LRP1B: variants seen among roughly 807,000 people sequenced by gnomAD.
LRP1B encodes LDL receptor related protein 1B.
Under a neutral mutation model 556.6 loss-of-function variants are expected in LRP1B, and 217 were observed. The ratio of observed to expected loss-of-function variants is 0.39; its 90% CI spans 0.35 to 0.44. The LOEUF (loss-of-function observed/expected upper bound fraction) is 0.44. LRP1B is among the 20% of genes least tolerant of loss of function. The pLI is 1.00. For synonymous variants in LRP1B, 2,047 were observed against 1,865.8 expected (o/e 1.10, Z -2.50); for missense variants, 5,053 against 5,620.8 (o/e 0.90, Z 3.23).
At chr2:141,471,268 A>ATGTTTTTTTTTTTTTTTT (rs1553518973) in intron 3 of LRP1B, among the ~76,000 whole-genome samples, 4 of 31,900 alleles carry the variant, frequency 1.3e-4, no homozygotes, top group Non-Finnish European at 1.6e-4. Flanking sequence ...ATACCCTGGT[A>ATGTTTTTTTTTTTTTTTT]TTTTTTTTTT....
intron 3 of LRP1B, among the ~76,000 whole-genome samples, chr2:141,394,563 G>T (rs1055245175): frequency 2.6e-5 from 4 of 152,000 alleles, no homozygotes; most frequent in African/African-American, 9.7e-5. Context: ...CAGCTTCAAA[G>T]TGTCTACAAT....
At chr2:141,299,208 T>C (rs1490888662) in intron 3 of LRP1B, among the ~76,000 whole-genome samples, 1 of 152,178 alleles carries the variant, frequency 6.6e-6, no homozygotes, top group African/African-American at 2.4e-5. Context: ...GAGCAGATAG[T>C]ATCACATTCT....
intron 3 of LRP1B, among the ~76,000 whole-genome samples, chr2:141,346,837 G>GT (rs757152339): frequency 2.6e-5 from 4 of 151,982 alleles, no homozygotes; most frequent in Non-Finnish European, 5.9e-5. Flanking sequence ...TTTAATACAG[G>GT]TAACATATAT....
At chr2:140,815,802 T>G (rs1315458536) in intron 31 of LRP1B, among the ~76,000 whole-genome samples, 9 of 151,706 alleles carry the variant, frequency 5.9e-5, no homozygotes, top group African/African-American at 2.2e-4. Context: ...CCTAAATCAA[T>G]GCAATACACA....
intron 2 of LRP1B, among the ~76,000 whole-genome samples, chr2:141,666,849 C>T (rs1690458591): frequency 6.6e-6 from 1 of 152,178 alleles, no homozygotes; most frequent in Non-Finnish European, 1.5e-5. Flanking sequence ...TGAGGGTAAA[C>T]ATGGAAACCA....
intron 3 of LRP1B, among the ~76,000 whole-genome samples, chr2:141,432,482 T>G (rs558751108): frequency 1.9e-4 from 29 of 152,212 alleles, no homozygotes; most frequent in Admixed American, 3.3e-4. Flanking sequence ...TCTCTCCTTG[T>G]TTTTAAAATA....
chr2:141,584,047 T>G (rs1687043184), intron 2 of LRP1B, among the ~76,000 whole-genome samples: 1 of 151,970 alleles, frequency 6.6e-6, no homozygotes, highest in East Asian at 1.9e-4. Context: ...AATTTGAGAC[T>G]AGCTGGGCTA....
intron 7 of LRP1B, among the ~76,000 whole-genome samples, chr2:141,114,805 C>G (rs916635214): frequency 6.6e-6 from 1 of 151,840 alleles, no homozygotes. Context: ...GAGGAAAATT[C>G]GTAATTAAGT....
At chr2:140,492,027 C>T (rs1308013214) in intron 57 of LRP1B, among the ~76,000 whole-genome samples, 1 of 152,114 alleles carries the variant, frequency 6.6e-6, no homozygotes, top group Non-Finnish European at 1.5e-5. Flanking sequence ...GTGAGTGCTG[C>T]CCTAATAAAC....
chr2:140,346,240 T>A (rs1489557455), intron 77 of LRP1B, among the ~76,000 whole-genome samples: 9 of 151,794 alleles, frequency 5.9e-5, no homozygotes. Flanking sequence ...ACTTTTTGAT[T>A]AATAATTTCC....
chr2:140,476,066 CTATA>C (rs1687961560), intron 59 of LRP1B, among the ~76,000 whole-genome samples: 1 of 151,900 alleles, frequency 6.6e-6, no homozygotes, highest in Non-Finnish European at 1.5e-5. Context: ...AATATTGATA[CTATA>C]TAATTAGGTT....
intron 2 of LRP1B, among the ~76,000 whole-genome samples, chr2:141,625,003 C>T (rs1030683803): frequency 3.9e-5 from 6 of 151,984 alleles, no homozygotes; most frequent in African/African-American, 1.2e-4. Flanking sequence ...CTCCTGACCT[C>T]GTGATCCGCC....
At chr2:141,708,784 T>C (rs149536552) in intron 2 of LRP1B, among the ~76,000 whole-genome samples, 10 of 152,212 alleles carry the variant, frequency 6.6e-5, no homozygotes, top group African/African-American at 2.2e-4. Flanking sequence ...CCGACCGTGT[T>C]GTTATAAGAA....
At chr2:141,311,965 C>A (rs181190849) in intron 3 of LRP1B, among the ~76,000 whole-genome samples, 1 of 152,086 alleles carries the variant, frequency 6.6e-6, no homozygotes, top group Non-Finnish European at 1.5e-5. Context: ...TTTGGAGGAG[C>A]AGGCTAGATG....
At chr2:141,918,066 A>G (rs1254047107) in intron 1 of LRP1B, among the ~76,000 whole-genome samples, 3 of 152,100 alleles carry the variant, frequency 2.0e-5, no homozygotes, top group African/African-American at 7.2e-5. Context: ...GCAATAACTG[A>G]ATTACATACA....
chr2:141,808,370 TCTTTCCTTGTAG>T (rs1696229812), intron 2 of LRP1B, among the ~76,000 whole-genome samples: 1 of 152,072 alleles, frequency 6.6e-6, no homozygotes, highest in African/African-American at 2.4e-5. Flanking sequence ...GCTATGGAAG[TCTTTCCTTGTAG>T]CTAAAGAGGA....
intron 2 of LRP1B, among the ~76,000 whole-genome samples, chr2:141,699,875 G>A (rs761977263): frequency 1.3e-5 from 2 of 148,306 alleles, no homozygotes; most frequent in African/African-American, 2.5e-5. Flanking sequence ...CTGGCATTAC[G>A]AGATAGCCCA....
chr2:140,624,783 G>T (rs1370449296), intron 41 of LRP1B, among the ~76,000 whole-genome samples: 1 of 152,092 alleles, frequency 6.6e-6, no homozygotes, highest in East Asian at 1.9e-4. Flanking sequence ...TATATACTAT[G>T]TTGTGATAAC....
At chr2:141,001,143 G>A (rs1697409736) in intron 15 of LRP1B, among the ~76,000 whole-genome samples, 1 of 151,944 alleles carries the variant, frequency 6.6e-6, no homozygotes, top group Admixed American at 6.6e-5. Context: ...CAATGATAAA[G>A]AACAAACATA....
Sources: gnomAD v4.1 joint callset for allele counts (sites outside exome capture counted in the v4.1 genomes callset) on GRCh38, gnomAD v4.1.1 for gene constraint, MANE v1.5 for transcripts, NCBI Gene and HGNC (gene_info 2026-07-23, HGNC 2026-07-21) for gene names.